SLC8B1: variants seen among roughly 807,000 people sequenced by gnomAD.
The protein encoded by SLC8B1 is solute carrier family 8 member B1.
In SLC8B1, 52 loss-of-function variants were observed where a neutral mutation model predicts 63.4. The observed-to-expected ratio is 0.82, with a 90% CI of 0.66 to 1.03. The LOEUF (loss-of-function observed/expected upper bound fraction) is 1.03. Among genes scored for constraint, SLC8B1 ranks in the 50% least tolerant of loss-of-function variants. SLC8B1 has a pLI of 0.00. For missense variants in SLC8B1, 657 were observed against 741.7 expected (o/e 0.89, Z 1.33); for synonymous variants, 336 against 323.9 (o/e 1.04, Z -0.40).
At chr12:113,325,547 C>T (rs1449471662) in intron 2 of SLC8B1, among the ~76,000 whole-genome samples, 1 of 152,036 alleles carries the variant, frequency 6.6e-6, no homozygotes, top group Admixed American at 6.6e-5. Context: ...TAGGCGTGAA[C>T]CACCAAACCT....
At chr12:113,330,442 C>T (rs1470620201) in intron 2 of SLC8B1, among the ~76,000 whole-genome samples, 1 of 152,180 alleles carries the variant, frequency 6.6e-6, no homozygotes, top group Non-Finnish European at 1.5e-5. Context: ...CTGGCTCTGC[C>T]ACTTTCCTCC....
At chr12:113,316,049 C>G (rs112215480) in intron 10 of SLC8B1, among the ~76,000 whole-genome samples, 6,969 of 152,178 alleles carry the variant, frequency 0.046, 234 homozygotes, top group Non-Finnish European at 0.076. Flanking sequence ...ACGGTGAAAC[C>G]CCGTCTCTAC....
rs373821826 is a variant in SLC8B1, at chr12:113,323,715, AAAC to A, written c.157-2370_157-2368del. Among the ~76,000 whole-genome samples, 39 of 152,264 alleles carry A rather than the reference AAAC, an allele frequency of 2.6e-4. No homozygotes were observed. The East Asian group carries it at 5.6e-3, about 22-fold the overall frequency. ...CAAAGTGAGACTCCATCTCAAAAAA[AAAC>A]AACAACAAAAAAAGCTAAGACAGTA... On this transcript the variant is annotated intron_variant, in intron 2 of 15. Coordinates refer to ENST00000680972, the MANE Select transcript of SLC8B1 (RefSeq NM_001358345.2).
chr12:113,315,417 G>C lies in SLC8B1; in HGVS notation c.1053C>G (p.Asp351Glu). 1 of 1,595,172 alleles carries C rather than the reference G, an allele frequency of 6.3e-7. No individual in the cohort carries two copies. The highest frequency in any genetic ancestry group is 1.3e-5 in the African/African-American group (1 of 74,834). The change falls in exon 11 of 16, where the codon GAC (aspartate) becomes GAG (glutamate). Residue 351 changes from aspartate to glutamate, a missense_variant. Transcript: ENST00000680972. ...TVPVVDPDKD[D>E]QNWKRPLNCL... ...AGTTGAGGGGCCGTTTCCAGTTCTGGTCATCCTTGTCCGGGTCCACGACGG... is the reference window on the plus strand; with the variant it reads ...AGTTGAGGGGCCGTTTCCAGTTCTGCTCATCCTTGTCCGGGTCCACGACGG...
At chr12:113,301,940 A>C (rs2136820019) in intron 15 of SLC8B1, among the ~76,000 whole-genome samples, 1 of 152,338 alleles carries the variant, frequency 6.6e-6, no homozygotes, top group Non-Finnish European at 1.5e-5. Flanking sequence ...GCAGCAGCAG[A>C]AATGAATGAG....
intron 15 of SLC8B1, among the ~76,000 whole-genome samples, chr12:113,303,141 A>ACACACACGCGCGCG (rs773636454): frequency 2.1e-5 from 3 of 145,638 alleles, no homozygotes; most frequent in African/African-American, 7.9e-5. Flanking sequence ...ACACACACAC[A>ACACACACGCGCGCG]CGCGCGCGCA....
intron 11 of SLC8B1, among the ~76,000 whole-genome samples, chr12:113,314,847 C>G (rs762036486): frequency 6.6e-6 from 1 of 152,296 alleles, no homozygotes. Context: ...CCATCTGGGG[C>G]CAGCAAGATT....
At chr12:113,316,491 A>G (rs747177229) in intron 10 of SLC8B1, 35 bp downstream of exon 10, 21 of 1,606,634 alleles carry the variant, frequency 1.3e-5, no homozygotes, top group Non-Finnish European at 1.7e-5. Context: ...TGCTGCTGTC[A>G]GAAGGCTGTG....
chr12:113,330,733 AG>A (rs201968364), intron 2 of SLC8B1, among the ~76,000 whole-genome samples: 2,637 of 152,298 alleles, frequency 0.017, 30 homozygotes, highest in Middle Eastern at 0.037. Context: ...CCTGTTTCAC[AG>A]GGTGGACTTG....
Position 113,319,035 on chromosome 12 carries a change from A to C in SLC8B1, c.731T>G (p.Val244Gly), listed in dbSNP as rs1254528870. The change falls in exon 8 of 16, where the codon GTG becomes GGG. Residue 244 changes from valine (V) to glycine (G), a missense_variant. Physicochemically the swap from Val to Gly is moderately radical, Grantham distance 109. Coordinates refer to ENST00000680972, the MANE Select transcript of SLC8B1 (RefSeq NM_001358345.2). ...LGLYVFYVVT[V>G]ILCTWIYQRQ... The stretch of plus-strand genomic sequence containing the variant: ...TTGGTAGATCCAGGTGCAGAGAATC[A>C]CAGTGACCACATAGAACACATACAA... 1 of 1,614,060 alleles carries C rather than the reference A, an allele frequency of 6.2e-7. No homozygotes were observed. Among genetic ancestry groups the C allele is most frequent in the East Asian group, 2.2e-5 (1 of 44,880 alleles).
chr12:113,330,613 C>T (rs915780180), intron 2 of SLC8B1, among the ~76,000 whole-genome samples: 12 of 152,272 alleles, frequency 7.9e-5, no homozygotes, highest in African/African-American at 2.9e-4. Flanking sequence ...GTATGATCTC[C>T]CAGTTTTCCT....
At chr12:113,316,840 G>A (rs2136845285) in intron 9 of SLC8B1, 102 bp downstream of exon 9, 3 of 1,501,498 alleles carry the variant, frequency 2.0e-6, no homozygotes, top group Non-Finnish European at 2.7e-6. Flanking sequence ...GGGCCGATTT[G>A]GAGCCTCATT....
At chr12:113,302,810 C>T (rs187567301) in intron 15 of SLC8B1, 12 of 443,884 alleles carry the variant, frequency 2.7e-5, no homozygotes, top group East Asian at 7.0e-5. Context: ...ATATTACACA[C>T]GCCTGTGGAC....
chr12:113,318,396 TTGTG>T (rs373394954), intron 8 of SLC8B1, among the ~76,000 whole-genome samples: 2 of 150,970 alleles, frequency 1.3e-5, no homozygotes, highest in East Asian at 1.9e-4. Flanking sequence ...GTGCATGTAT[TTGTG>T]TGTGTGCATA....
chr12:113,320,066 G>A lies in SLC8B1; in HGVS notation c.694+265C>T, dbSNP rs1956899684. ...CCTCAGCCTCTCAAATTGCTGGGAT[G>A]ATAGGTGTGAGCCATCACGCTTGGC... On this transcript the variant is annotated intron_variant, in intron 7 of 15. Coordinates refer to ENST00000680972, the MANE Select transcript of SLC8B1 (RefSeq NM_001358345.2). The surrounding 1 kb of genome is among the most constrained non-coding windows in gnomAD (Gnocchi z 5.3). 2.3e-6 allele frequency: 1 copy of A among 426,198 alleles called. No individual in the cohort carries two copies. Among genetic ancestry groups the A allele is most frequent in the East Asian group, 4.3e-5 (1 of 23,404 alleles). 26.4% of individuals were successfully genotyped at this position (426,198 alleles called of 1,614,324 possible). A position where few individuals can be genotyped will look rare whatever the true frequency, so the allele number is the denominator to read the frequency against.
At chr12:113,319,497 T>A (rs1440671991) in intron 7 of SLC8B1, among the ~76,000 whole-genome samples, 1 of 152,140 alleles carries the variant, frequency 6.6e-6, no homozygotes, top group South Asian at 2.1e-4. Context: ...TGGCAGGGCT[T>A]GCAACCCTCT....
At chr12:113,325,705 C>T (rs1010894580) in intron 2 of SLC8B1, among the ~76,000 whole-genome samples, 1 of 152,126 alleles carries the variant, frequency 6.6e-6, no homozygotes, top group Admixed American at 6.5e-5. Context: ...GCTGGGACTA[C>T]AGGCGCTCGC....
intron 2 of SLC8B1, among the ~76,000 whole-genome samples, chr12:113,323,756 T>G (rs780462723): frequency 2.0e-5 from 3 of 152,018 alleles, no homozygotes; most frequent in African/African-American, 7.2e-5. Flanking sequence ...TTTTAGGTTA[T>G]GTGTATTTCA....
Position 113,320,898 on chromosome 12 carries a change from G to A in SLC8B1, c.372C>T (p.Pro124=), listed in dbSNP as rs1263282790. The A allele has an allele frequency of 1.0e-5, 16 of 1,606,024 alleles. No individual in the cohort carries two copies. The highest frequency in any genetic ancestry group is 3.5e-5 in the Admixed American group (2 of 57,956). ...LGVTAAKFFC[P]NLSAISTTLK... ...GTGTGGTAGAAATGGCCGACAAGTT[G>A]GGGCAGAAACTACGGAGAAAAAGCG... Residue 124 remains proline, a synonymous_variant, in exon 5 of 16, where the codon CCC becomes CCT. Coordinates refer to ENST00000680972, the MANE Select transcript of SLC8B1 (RefSeq NM_001358345.2). The surrounding 1 kb of genome is among the most constrained non-coding windows in gnomAD (Gnocchi z 5.3).
Sources: gnomAD v4.1 joint callset for allele counts (sites outside exome capture counted in the v4.1 genomes callset) on GRCh38, gnomAD v4.1.1 for gene constraint, Gnocchi (gnomAD v3.1) non-coding constraint, MANE v1.5 for transcripts, NCBI Gene and HGNC (gene_info 2026-07-23, HGNC 2026-07-21) for gene names.